The following MADD variants were observed in gnomAD, a reference collection of about 807,000 sequenced individuals.
The protein encoded by MADD is MAP kinase-activating death domain protein.
Under a neutral mutation model 176.7 loss-of-function variants are expected in MADD, and 109 were observed. The ratio of observed to expected loss-of-function variants is 0.62; its 90% CI spans 0.53 to 0.72. The LOEUF is 0.72. MADD is among the 30% of genes least tolerant of loss of function. The pLI is 0.00. For synonymous variants in MADD, 771 were observed against 771.3 expected (o/e 1.00, Z 0.01); for missense variants, 1,914 against 2,045.5 (o/e 0.94, Z 1.24).
At chr11:47,308,258 C>T (rs1390230467) in intron 22 of MADD, among the ~76,000 whole-genome samples, 1 of 152,200 alleles carries the variant, frequency 6.6e-6, no homozygotes, top group Non-Finnish European at 1.5e-5. Context: ...CGGATCTGAA[C>T]TTTGGTCAGT....
intron 15 of MADD, among the ~76,000 whole-genome samples, chr11:47,287,254 GGAGGTTGCAGTGAGCC>G (rs2061357171): frequency 6.6e-6 from 1 of 152,144 alleles, no homozygotes; most frequent in African/African-American, 2.4e-5. Flanking sequence ...TCCAGGAGGC[GGAGGTTGCAGTGAGCC>G]GAGGTCGCGC....
intron 25 of MADD, among the ~76,000 whole-genome samples, chr11:47,310,880 C>A (rs2088237338): frequency 7.0e-6 from 1 of 142,844 alleles, no homozygotes; most frequent in African/African-American, 2.6e-5. Flanking sequence ...GTACTCCAGC[C>A]TGGGCAACAA....
In MADD at chr11:47,274,631, C is replaced by A. The variant is rs116121413; in HGVS notation, c.131C>A (p.Thr44Asn). ...CGGCGATACCCCTTGGAGGATCACA[C>A]TGAGTTTCCCCTGCCCCCAGATGTA... Residue 44 changes from threonine to asparagine, a missense_variant, in exon 3 of 33, where the codon ACT becomes AAT. Around this residue, in one of 2 missense-constraint regions of MADD, gnomAD observed 1,767 missense variants for 1,836.0 expected, o/e 0.96. Transcript: ENST00000402192. 1,752 of 1,614,218 alleles carry A rather than the reference C, an allele frequency of 1.1e-3. 25 individuals carry two copies. The African/African-American group carries it at 0.021, about 19-fold the overall frequency.
At chr11:47,329,942 G>A (rs2095832886) in exon 33 of MADD, 1 of 152,668 alleles carries the variant, frequency 6.6e-6, no homozygotes, top group Non-Finnish European at 1.5e-5. Context: ...GCCTGGGTAT[G>A]GGCAAGAAAT....
chr11:47,292,748 A>G (rs1481104801), intron 19 of MADD, 152 bp downstream of exon 21: 6 of 701,052 alleles, frequency 8.6e-6, no homozygotes, highest in South Asian at 3.3e-5. Flanking sequence ...TGTGACTCCT[A>G]GGTGTGTGTA....
In MADD at chr11:47,327,131, G is replaced by C. The variant is rs921065510; in HGVS notation, c.4612+324G>C. 3.7e-6 allele frequency: 4 copies of C among 1,076,158 alleles called. No homozygotes were observed. In the African/African-American group the frequency reaches 6.6e-5, roughly 18 times the overall value. The allele number at this position is 1,076,158 out of a possible 1,614,324, so 66.7% of individuals were successfully genotyped here. A position where few individuals can be genotyped will look rare whatever the true frequency, so the allele number is the denominator to read the frequency against. ...AGAAAGTTTGGGACACAGCAGACTG[G>C]CGACCCCCAAGCTCCACTATGTCCA... On this transcript the variant is annotated intron_variant, in intron 31 of 32. Transcript: ENST00000402192.
intron 25 of MADD, among the ~76,000 whole-genome samples, chr11:47,310,392 G>A (rs2087457524): frequency 6.6e-6 from 1 of 151,000 alleles, no homozygotes; most frequent in African/African-American, 2.4e-5. Flanking sequence ...ATGTTGGCCA[G>A]GCTGGTCTCT....
At chr11:47,279,248 A>G (rs577406972) in intron 7 of MADD, among the ~76,000 whole-genome samples, 169 bp downstream of exon 7, 42 of 152,118 alleles carry the variant, frequency 2.8e-4, no homozygotes, top group Admixed American at 5.9e-4. Flanking sequence ...GGCAGAGTGA[A>G]TTTCTGTTTT....
At chr11:47,311,151 G>A (rs1304520313) in intron 25 of MADD, among the ~76,000 whole-genome samples, 1 of 152,118 alleles carries the variant, frequency 6.6e-6, no homozygotes, top group Non-Finnish European at 1.5e-5. Context: ...TTTGGAGAAC[G>A]AGCCACTGGG....
At chr11:47,307,438 T>A (rs2083749770) in intron 22 of MADD, among the ~76,000 whole-genome samples, 1 of 152,138 alleles carries the variant, frequency 6.6e-6, no homozygotes, top group Admixed American at 6.6e-5. Context: ...ATTTTTTTGC[T>A]CAAACAAGGC....
intron 31 of MADD, chr11:47,328,210 AT>A (rs1459655859): frequency 9.4e-7 from 1 of 1,068,400 alleles, no homozygotes; most frequent in Non-Finnish European, 1.1e-6. Flanking sequence ...ACATGACCCA[AT>A]TTTCAGGCTG....
intron 7 of MADD, 33 bp downstream of exon 7, chr11:47,279,112 A>G: frequency 6.3e-7 from 1 of 1,593,312 alleles, no homozygotes; most frequent in Non-Finnish European, 8.6e-7. Context: ...AAAGGGGAGT[A>G]TTAGATGCTG....
At chr11:47,308,561 G>C in intron 22 of MADD, 30 bp from the exon 25 acceptor site, 1 of 1,557,004 alleles carries the variant, frequency 6.4e-7, no homozygotes, top group Non-Finnish European at 8.9e-7. Flanking sequence ...TGCTACCTCT[G>C]GCCACTGACC....
upstream of MADD, chr11:47,270,144 G>A (rs1394943523): frequency 6.6e-6 from 1 of 152,048 alleles, no homozygotes; most frequent in Non-Finnish European, 1.5e-5. Context: ...GTGCAGACGC[G>A]GAACTGGCGC....
At chr11:47,282,345 A>ATGGG in intron 8 of MADD, 36 bp from the exon 9 acceptor site, 1 of 1,567,466 alleles carries the variant, frequency 6.4e-7, no homozygotes, top group Admixed American at 1.7e-5. Flanking sequence ...TCCTTACCCT[A>ATGGG]TGGGTCTCAG....
chr11:47,270,006 C>T (rs1217623413), upstream of MADD: 3 of 152,356 alleles, frequency 2.0e-5, no homozygotes, highest in South Asian at 6.2e-4. Flanking sequence ...TGCGCAGCCG[C>T]TGTCTCCCGA....
intron 20 of MADD, among the ~76,000 whole-genome samples, chr11:47,294,247 G>T (rs2139038344): frequency 6.6e-6 from 1 of 152,154 alleles, no homozygotes; most frequent in Non-Finnish European, 1.5e-5. Context: ...TACTCGGGAG[G>T]CTGAGGCAGG....
intron 6 of MADD, 141 bp downstream of exon 6, chr11:47,278,419 GTT>G: frequency 1.6e-6 from 1 of 640,436 alleles, no homozygotes; most frequent in Non-Finnish European, 2.7e-6. Flanking sequence ...ACTGAAACAA[GTT>G]TTTTTAAATG....
chr11:47,324,639 A>C, intron 30 of MADD, 62 bp downstream of exon 33: 1 of 1,129,284 alleles, frequency 8.9e-7, no homozygotes, highest in Non-Finnish European at 1.3e-6. Flanking sequence ...ACCAATGTCC[A>C]AGCCCCCAGT....
Sources: gnomAD v4.1 joint callset for allele counts (sites outside exome capture counted in the v4.1 genomes callset) on GRCh38, gnomAD v4.1.1 for gene constraint, gnomAD v4.1.1 regional missense constraint, MANE v1.5 for transcripts, NCBI Gene and HGNC (gene_info 2026-07-23, HGNC 2026-07-21) for gene names.